The following AGBL3 variants were observed in gnomAD, a reference collection of about 807,000 sequenced individuals.
The protein encoded by AGBL3 is AGBL carboxypeptidase 3, also known as cytosolic carboxypeptidase 3.
Under a neutral mutation model 94.5 loss-of-function variants are expected in AGBL3, and 68 were observed. That is an observed-to-expected ratio of 0.72 (90% CI 0.59 to 0.88). The LOEUF (loss-of-function observed/expected upper bound fraction) is 0.88. Among genes scored for constraint, AGBL3 ranks in the 40% least tolerant of loss-of-function variants. AGBL3 has a pLI of 0.00. For synonymous variants in AGBL3, 354 were observed against 370.7 expected, an observed-to-expected ratio of 0.95 and a Z score of 0.52; for missense variants, 934 against 1,103.8, an observed-to-expected ratio of 0.85 and a Z score of 2.18.
chr7:135,098,463 G>C (rs1412565876), intron 15 of AGBL3, among the ~76,000 whole-genome samples: 2 of 152,190 alleles, frequency 1.3e-5, no homozygotes, highest in African/African-American at 4.8e-5. Context: ...TGGTACAGAT[G>C]CATTTTTTTC....
chr7:135,109,140 A>G (rs1379605222), intron 15 of AGBL3, among the ~76,000 whole-genome samples: 2 of 152,138 alleles, frequency 1.3e-5, no homozygotes, highest in Admixed American at 1.3e-4. Context: ...ATTCTCCTGA[A>G]TTTTGATGAT....
rs1814028109 is a variant in AGBL3, at chr7:135,018,211, C to T, written c.418+1052C>T. ...GAGAAGACAGAACTGGTCTCCAGAC[C>T]TGTAGAATCCTTTAGGTATAGGAGA... On this transcript the variant is annotated intron_variant, in intron 5 of 16. Transcript: ENST00000436302. 2.0e-5 allele frequency among the ~76,000 whole-genome samples: 3 copies of T among 152,186 alleles called. No homozygotes were observed. The South Asian group carries it at 6.2e-4, about 32-fold the overall frequency.
chr7:135,059,041 G>C, intron 11 of AGBL3, 128 bp from the exon 12 acceptor site: 1 of 714,172 alleles, frequency 1.4e-6, no homozygotes, highest in Non-Finnish European at 2.3e-6. Flanking sequence ...ACAGGCATGA[G>C]TCACTGCGCC....
chr7:135,045,778 T>C, intron 10 of AGBL3, 21 bp from the exon 11 acceptor site: 1 of 1,476,772 alleles, frequency 6.8e-7, no homozygotes, highest in African/African-American at 1.4e-5. Flanking sequence ...CATAATGAGC[T>C]CATTTATTAC....
intron 15 of AGBL3, among the ~76,000 whole-genome samples, chr7:135,114,774 T>G (rs1428855171): frequency 6.6e-6 from 1 of 152,188 alleles, no homozygotes; most frequent in Non-Finnish European, 1.5e-5. Flanking sequence ...CAATCTGTTC[T>G]CAACTTGACA....
intron 5 of AGBL3, among the ~76,000 whole-genome samples, chr7:135,018,271 G>T (rs1214127832): frequency 6.6e-6 from 1 of 152,182 alleles, no homozygotes; most frequent in Non-Finnish European, 1.5e-5. Flanking sequence ...TTTTAGTAAA[G>T]AAATAGACAA....
intron 4 of AGBL3, among the ~76,000 whole-genome samples, chr7:135,008,667 G>A (rs896134330): frequency 2.6e-5 from 4 of 151,366 alleles, no homozygotes; most frequent in Admixed American, 1.3e-4. Flanking sequence ...TGAAACTTCT[G>A]TGTTTCAACA....
chr7:135,065,502 T>C (rs1050185298), intron 12 of AGBL3, among the ~76,000 whole-genome samples: 24 of 152,186 alleles, frequency 1.6e-4, no homozygotes, highest in Admixed American at 8.5e-4. Flanking sequence ...TGGAGCAAAA[T>C]AGAAAGCCCA....
chr7:135,057,509 T>C (rs1322212980), intron 11 of AGBL3, among the ~76,000 whole-genome samples: 2 of 152,146 alleles, frequency 1.3e-5, no homozygotes, highest in Non-Finnish European at 2.9e-5. Flanking sequence ...CTAATTATAA[T>C]AGCTAAAATC....
chr7:134,995,204 T>C (rs920165895), intron 4 of AGBL3: 7 of 152,044 alleles, frequency 4.6e-5, no homozygotes, highest in African/African-American at 1.7e-4. Flanking sequence ...GCCTAATTTC[T>C]CTCCAGTAAC....
intron 3 of AGBL3, among the ~76,000 whole-genome samples, chr7:134,989,789 G>A (rs1218004640): frequency 6.6e-6 from 1 of 151,174 alleles, no homozygotes; most frequent in East Asian, 1.9e-4. Flanking sequence ...TTACATATGT[G>A]TCACAAATAC....
intron 12 of AGBL3, among the ~76,000 whole-genome samples, chr7:135,071,649 C>T (rs1819919245): frequency 6.6e-6 from 1 of 152,118 alleles, no homozygotes; most frequent in Admixed American, 6.6e-5. Flanking sequence ...CTGACAAAAA[C>T]AAGAAATGGG....
intron 16 of AGBL3, among the ~76,000 whole-genome samples, chr7:135,118,293 G>T (rs1298945886): frequency 3.3e-5 from 5 of 152,088 alleles, no homozygotes; most frequent in Middle Eastern, 3.2e-3. Context: ...TAGATTCAAA[G>T]TATTAATATA....
intron 16 of AGBL3, chr7:135,129,255 T>G: frequency 1.3e-6 from 2 of 1,526,522 alleles, no homozygotes; most frequent in Non-Finnish European, 1.8e-6. Context: ...GGGTATCTGC[T>G]CCAGCTGCAA....
chr7:135,040,885 C>CAACACACA, intron 8 of AGBL3, among the ~76,000 whole-genome samples: 1 of 121,028 alleles, frequency 8.3e-6, no homozygotes, highest in African/African-American at 3.5e-5. Flanking sequence ...CACACACACA[C>CAACACACA]CACACACACA....
intron 14 of AGBL3, among the ~76,000 whole-genome samples, 153 bp from the exon 15 acceptor site, chr7:135,081,566 A>G (rs1018631265): frequency 6.6e-6 from 1 of 152,180 alleles, no homozygotes; most frequent in Admixed American, 6.5e-5. Context: ...AAAATTTGTA[A>G]CATTTGAAGA....
At chr7:135,087,819 T>C (rs1419451053) in intron 15 of AGBL3, among the ~76,000 whole-genome samples, 1 of 152,046 alleles carries the variant, frequency 6.6e-6, no homozygotes, top group African/African-American at 2.4e-5. Context: ...TGTTCTTAAA[T>C]GTTTATTAGG....
rs78907541 is a variant in AGBL3 at position 135,089,930 on chromosome 7, T to C, written c.2110+8140T>C. Among the ~76,000 whole-genome samples, 728 of 152,280 alleles carry C rather than the reference T, an allele frequency of 4.8e-3. 4 individuals are homozygous for C. Among genetic ancestry groups the C allele is most frequent in the Non-Finnish European group, 7.5e-3 (508 of 68,012 alleles). On this transcript the variant is annotated intron_variant, in intron 15 of 16. Transcript: ENST00000436302. The stretch of plus-strand genomic sequence containing the variant: ...TCTTCCAGTGCATGTTCACTCTCTA[T>C]GGCAGAGTTGGATGTAGGTTCCTCC...
intron 12 of AGBL3, 92 bp from the exon 13 acceptor site, chr7:135,076,305 A>T: frequency 1.0e-6 from 1 of 982,766 alleles, no homozygotes; most frequent in Non-Finnish European, 1.5e-6. Context: ...TCATCTTCTT[A>T]GAAGTGGGAA....
Sources: gnomAD v4.1 joint callset for allele counts (sites outside exome capture counted in the v4.1 genomes callset) on GRCh38, gnomAD v4.1.1 for gene constraint, MANE v1.5 for transcripts, NCBI Gene and HGNC (gene_info 2026-07-23, HGNC 2026-07-21) for gene names.